OSBP2: variants seen among roughly 807,000 people sequenced by gnomAD.
OSBP2 encodes oxysterol-binding protein 2.
OSBP2 carries 66 observed loss-of-function variants against 96.0 expected under a neutral mutation model. The observed-to-expected ratio is 0.69, with a 90% CI of 0.56 to 0.84. The LOEUF is 0.84. Among genes scored for constraint, OSBP2 ranks in the 40% least tolerant of loss-of-function variants. The probability of loss-of-function intolerance (pLI) is 0.00; values close to 1 mark genes in which losing one functional copy is unlikely to be tolerated. For missense variants in OSBP2, 1,038 were observed against 1,222.7 expected, an observed-to-expected ratio of 0.85 and a Z score of 2.25; for synonymous variants, 525 against 520.9, an observed-to-expected ratio of 1.01 and a Z score of -0.11.
intron 12 of OSBP2, chr22:30,902,139 C>CAGAAAAAAAAAAAA (rs1491098304): frequency 1.6e-5 from 1 of 61,940 alleles, no homozygotes; most frequent in Non-Finnish European, 2.7e-5. Context: ...AAAAAAAAAA[C>CAGAAAAAAAAAAAA]CAAAAAAAAA....
intron 2 of OSBP2, among the ~76,000 whole-genome samples, chr22:30,760,857 C>A (rs1339871529): frequency 6.6e-6 from 1 of 151,870 alleles, no homozygotes; most frequent in African/African-American, 2.4e-5. Flanking sequence ...TAAATGGAAT[C>A]ATAATATTAA....
At chr22:30,902,126 GA>G (rs35391426) in intron 12 of OSBP2, 11 of 126,094 alleles carry the variant, frequency 8.7e-5, no homozygotes, top group African/African-American at 1.4e-4. Flanking sequence ...AAAAAAAAAC[GA>G]AAAAAAAAAA....
At chr22:30,803,554 C>T (rs185383593) in intron 2 of OSBP2, among the ~76,000 whole-genome samples, 1 of 152,346 alleles carries the variant, frequency 6.6e-6, no homozygotes, top group African/African-American at 2.4e-5. Context: ...AGCAACCTAG[C>T]CACTGGAATT....
chr22:30,770,367 A>T (rs539834580), intron 2 of OSBP2, among the ~76,000 whole-genome samples: 1 of 152,100 alleles, frequency 6.6e-6, no homozygotes, highest in African/African-American at 2.4e-5. Context: ...AAGTGCTGGG[A>T]TTACTGGCAT....
rs1602390613 is a variant in OSBP2, at chr22:30,871,169, C to A, written c.1107+487C>A. ...TCGAGGGCTCCCTGAGCTAGAAGGG[C>A]CTCAGAGCTGAGCCTGCCGAGGTCG... On this transcript the variant is annotated intron_variant, in intron 3 of 13. Transcript: ENST00000332585. The surrounding 1 kb of genome is among the most constrained non-coding windows in gnomAD (Gnocchi z 4.7). 6.6e-6 allele frequency among the ~76,000 whole-genome samples: 1 copy of A among 152,092 alleles called. No individual in the cohort carries two copies. Among genetic ancestry groups the A allele is most frequent in the African/African-American group, 2.4e-5 (1 of 41,414 alleles).
intron 3 of OSBP2, among the ~76,000 whole-genome samples, chr22:30,883,542 C>G (rs551987535): frequency 6.6e-6 from 1 of 152,336 alleles, no homozygotes; most frequent in South Asian, 2.1e-4. Context: ...TGACAGAGCA[C>G]TGGGCCAAGC....
In OSBP2 at chr22:30,821,293, CTG is replaced by C. The variant is rs145859414; in HGVS notation, c.854-49133_854-49132del. On this transcript the variant is annotated intron_variant, in intron 2 of 13. Transcript: ENST00000332585. ...TCTCAGCTGTTATATTGTGCAGAGA[CTG>C]TGGGGACCAGAGTGGGAGCAGAGAG... is the stretch of plus-strand genomic sequence containing the variant. 1.7e-4 allele frequency among the ~76,000 whole-genome samples: 26 copies of C among 152,286 alleles called. No homozygotes were observed. The East Asian group carries it at 5.0e-3, about 29-fold the overall frequency.
In OSBP2 at chr22:30,906,993, CAG is replaced by C. The variant is rs1469618458; in HGVS notation, c.*657_*658del. 2 of 152,566 alleles carry C rather than the reference CAG, an allele frequency of 1.3e-5. No individual in the cohort carries two copies. The highest frequency in any genetic ancestry group is 2.4e-5 in the African/African-American group (1 of 41,452). The allele number at this position is 152,566 out of a possible 1,614,324, so 9.5% of individuals were successfully genotyped here. On this transcript the variant is annotated 3_prime_UTR_variant, in exon 14 of 14. Transcript: ENST00000332585. ...GGGGCTGCCCCAGCCCAGCAGAGCA[CAG>C]AGTTTCTGGAGCTCCCATCCACAGA...
At chr22:30,864,549 T>C (rs1219181348) in intron 2 of OSBP2, among the ~76,000 whole-genome samples, 6 of 152,152 alleles carry the variant, frequency 3.9e-5, no homozygotes, top group African/African-American at 1.4e-4. Flanking sequence ...GGGGCGTTGG[T>C]GGGTGCTGCT....
chr22:30,787,306 G>A (rs1205641442), intron 2 of OSBP2, among the ~76,000 whole-genome samples: 1 of 152,168 alleles, frequency 6.6e-6, no homozygotes, highest in Non-Finnish European at 1.5e-5. Flanking sequence ...GGAAGGAGAC[G>A]AATGGGAGCT....
chr22:30,718,615 A>T, intron 1 of OSBP2, among the ~76,000 whole-genome samples: 1 of 152,050 alleles, frequency 6.6e-6, no homozygotes, highest in Non-Finnish European at 1.5e-5. Flanking sequence ...AGAATGGGGG[A>T]TGCTTTAGCT....
At chr22:30,848,116 C>T (rs1196146964) in intron 2 of OSBP2, among the ~76,000 whole-genome samples, 1 of 152,108 alleles carries the variant, frequency 6.6e-6, no homozygotes, top group Non-Finnish European at 1.5e-5. Context: ...TCCCTAACAG[C>T]TATATAATAT....
intron 1 of OSBP2, among the ~76,000 whole-genome samples, chr22:30,715,292 A>G (rs2089430324): frequency 6.6e-6 from 1 of 151,378 alleles, no homozygotes; most frequent in Non-Finnish European, 1.5e-5. Context: ...TAGCCATCCT[A>G]ATGGATGTGA....
chr22:30,901,604 C>T (rs2040196554), intron 12 of OSBP2, among the ~76,000 whole-genome samples: 1 of 152,142 alleles, frequency 6.6e-6, no homozygotes, highest in South Asian at 2.1e-4. Flanking sequence ...GTGGCTCACG[C>T]CTGTAATCCC....
In OSBP2 at chr22:30,881,825, A is replaced by G. The variant is rs2039710516; in HGVS notation, c.1108-5601A>G. ...CAGGTGGGTGCATCCGGGCTGGGGG[A>G]GGTGGACGGGCTCTCTGCATCCATG... On this transcript the variant is annotated intron_variant, in intron 3 of 13. Transcript: ENST00000332585. This position sits in a 1 kb window ranked among gnomAD's most constrained non-coding sequence, Gnocchi z 4.5. 3 of 1,303,350 alleles carry G rather than the reference A, an allele frequency of 2.3e-6. No homozygotes were observed. The highest frequency in any genetic ancestry group is 3.0e-6 in the Non-Finnish European group (3 of 988,654). The allele number at this position is 1,303,350 out of a possible 1,614,324, so 80.7% of individuals were successfully genotyped here. A position where few individuals can be genotyped will look rare whatever the true frequency, so the allele number is the denominator to read the frequency against.
At chr22:30,875,429 A>G (rs144193765) in intron 3 of OSBP2, among the ~76,000 whole-genome samples, 2,244 of 151,598 alleles carry the variant, frequency 0.015, 33 homozygotes, top group Middle Eastern at 0.037. Context: ...CTGGAGTGCA[A>G]TGGCATGATC....
chr22:30,721,348 A>G (rs1337491350), intron 1 of OSBP2, among the ~76,000 whole-genome samples: 1 of 152,248 alleles, frequency 6.6e-6, no homozygotes, highest in Admixed American at 6.5e-5. Flanking sequence ...GGGGGCCCAG[A>G]AGACTAGCTG....
At chr22:30,715,900 C>G (rs1243989605) in intron 1 of OSBP2, among the ~76,000 whole-genome samples, 1 of 144,906 alleles carries the variant, frequency 6.9e-6, no homozygotes, top group Non-Finnish European at 1.5e-5. Flanking sequence ...CAGTGTTATC[C>G]AAGCTGGTCT....
intron 1 of OSBP2, among the ~76,000 whole-genome samples, chr22:30,700,026 G>A (rs1263902310): frequency 3.3e-5 from 5 of 150,040 alleles, no homozygotes; most frequent in African/African-American, 7.4e-5. Flanking sequence ...GCAGTGGCAC[G>A]ATCTCGGCTC....
Sources: allele counts gnomAD v4.1 joint callset (sites outside exome capture counted in the v4.1 genomes callset), GRCh38; gene constraint gnomAD v4.1.1; non-coding constraint Gnocchi (gnomAD v3.1); transcripts MANE v1.5; gene names NCBI Gene and HGNC (gene_info 2026-07-23, HGNC 2026-07-21).